SYNPR: variants seen among roughly 807,000 people sequenced by gnomAD.
The protein encoded by SYNPR is synaptoporin.
In SYNPR, 23 loss-of-function variants were observed where a neutral mutation model predicts 32.9. The observed-to-expected ratio is 0.70, with a 90% confidence interval of 0.50 to 0.99. The LOEUF (loss-of-function observed/expected upper bound fraction) is 0.99, where lower values mean the gene tolerates loss of function less well. SYNPR is among the 50% of genes least tolerant of loss of function. The probability of loss-of-function intolerance (pLI) is 0.00; values close to 1 mark genes in which losing one functional copy is unlikely to be tolerated. For synonymous variants in SYNPR, 146 were observed against 135.9 expected (o/e 1.07, Z -0.52); for missense variants, 318 against 349.3 (o/e 0.91, Z 0.71).
chr3:63,345,633 G>T (rs1344962721), intron 2 of SYNPR, among the ~76,000 whole-genome samples: 1 of 152,090 alleles, frequency 6.6e-6, no homozygotes, highest in Admixed American at 6.6e-5. Flanking sequence ...TGCTGGTCTC[G>T]CATTGGCTGA....
intron 4 of SYNPR, among the ~76,000 whole-genome samples, chr3:63,592,065 G>A (rs899213178): frequency 6.6e-6 from 1 of 152,048 alleles, no homozygotes; most frequent in African/African-American, 2.4e-5. Context: ...TAAATCCAAT[G>A]ACAGGTGTCC....
At chr3:63,206,126 C>A in the SYNPR span, among the ~76,000 whole-genome samples, 2 of 152,166 alleles carry the variant, frequency 1.3e-5, no homozygotes, top group African/African-American at 4.8e-5. Context: ...GACCCACTTA[C>A]AACTGAAGTT....
Position 63,615,541 on chromosome 3 carries a change from G to T in SYNPR, c.*60G>T, listed in dbSNP as rs1045237227. On this transcript the variant is annotated 3_prime_UTR_variant, in exon 6 of 6. Coordinates refer to ENST00000478300, the MANE Select transcript of SYNPR (RefSeq NM_001130003.2). Reference sequence around the variant, plus strand: ...ACCATCTTCCATTTCAGTGGCAGAAGAATTTTTTAAGGGTTTCAATCAATT... The same window carrying T: ...ACCATCTTCCATTTCAGTGGCAGAATAATTTTTTAAGGGTTTCAATCAATT... 7 of 1,562,944 alleles carry T rather than the reference G, an allele frequency of 4.5e-6. No individual in the cohort carries two copies. Among genetic ancestry groups the T allele is most frequent in the African/African-American group, 2.7e-5 (2 of 72,958 alleles).
rs149811163 is a variant in SYNPR at position 63,552,177 on chromosome 3, C to A, written c.210-4366C>A. ...CCTCCCAAAGTGCTGTGATTACAGG[C>A]ATGAGCCACCGCACCCGGCCGCATC... On this transcript the variant is annotated intron_variant, in intron 3 of 5. Transcript: ENST00000478300. 5.4e-4 allele frequency among the ~76,000 whole-genome samples: 82 copies of A among 152,180 alleles called. 2 individuals are homozygous for A. Among genetic ancestry groups the A allele is most frequent in the African/African-American group, 1.8e-3 (74 of 41,504 alleles).
intron 2 of SYNPR, among the ~76,000 whole-genome samples, chr3:63,287,182 T>C (rs1204584585): frequency 6.6e-6 from 1 of 152,190 alleles, no homozygotes; most frequent in Non-Finnish European, 1.5e-5. Context: ...TGGTCCATCC[T>C]CACCCTTTTA....
intron 2 of SYNPR, among the ~76,000 whole-genome samples, chr3:63,441,252 G>T (rs956093305): frequency 6.6e-6 from 1 of 152,180 alleles, no homozygotes; most frequent in Admixed American, 6.5e-5. Flanking sequence ...ATAGTATCTG[G>T]CAAGGAGTAA....
intron 2 of SYNPR, among the ~76,000 whole-genome samples, chr3:63,321,756 T>G (rs532297896): frequency 6.8e-6 from 1 of 147,004 alleles, no homozygotes; most frequent in African/African-American, 2.7e-5. Context: ...GTTCTCTGTG[T>G]GTTTACAAAC....
chr3:63,548,044 G>A (rs1474940850), intron 3 of SYNPR, among the ~76,000 whole-genome samples: 5 of 152,108 alleles, frequency 3.3e-5, no homozygotes, highest in Admixed American at 3.3e-4. Flanking sequence ...AAGAAAACCA[G>A]TGGAAGTAAC....
intron 2 of SYNPR, among the ~76,000 whole-genome samples, chr3:63,416,713 G>A (rs1033466289): frequency 2.6e-5 from 4 of 152,188 alleles, no homozygotes; most frequent in Admixed American, 6.5e-5. Flanking sequence ...TATGGTGGAA[G>A]ACAAGGAAGA....
intron 2 of SYNPR, among the ~76,000 whole-genome samples, chr3:63,456,829 C>T (rs1275248560): frequency 1.3e-5 from 2 of 152,050 alleles, no homozygotes; most frequent in African/African-American, 4.8e-5. Context: ...TTTGTTTTCT[C>T]CCCACTCCGA....
intron 2 of SYNPR, among the ~76,000 whole-genome samples, chr3:63,284,953 C>T (rs2086666693): frequency 6.6e-6 from 1 of 152,220 alleles, no homozygotes; most frequent in African/African-American, 2.4e-5. Flanking sequence ...ACCAACTCAT[C>T]AGGGACAAAA....
At chr3:63,508,770 T>C (rs964555272) in intron 3 of SYNPR, among the ~76,000 whole-genome samples, 8 of 152,186 alleles carry the variant, frequency 5.3e-5, no homozygotes, top group Middle Eastern at 3.4e-3. Context: ...AATTAAAGGA[T>C]GGCAGCTACC....
At chr3:63,408,756 A>G (rs1005137534) in intron 2 of SYNPR, among the ~76,000 whole-genome samples, 1 of 152,170 alleles carries the variant, frequency 6.6e-6, no homozygotes, top group Admixed American at 6.6e-5. Context: ...GGGCAAGGAA[A>G]GATCTTCCTT....
intron 1 of SYNPR, among the ~76,000 whole-genome samples, chr3:63,243,954 T>C (rs1465691050): frequency 6.6e-6 from 1 of 152,080 alleles, no homozygotes; most frequent in Non-Finnish European, 1.5e-5. Context: ...ACACAAACTA[T>C]AGATTCTTAT....
At chr3:63,516,753 TG>T (rs956003866) in intron 3 of SYNPR, among the ~76,000 whole-genome samples, 3 of 152,156 alleles carry the variant, frequency 2.0e-5, no homozygotes, top group Non-Finnish European at 4.4e-5. Flanking sequence ...GAGGAGAATC[TG>T]CATCTATTCA....
intron 2 of SYNPR, among the ~76,000 whole-genome samples, chr3:63,284,838 G>T (rs1183890648): frequency 2.0e-5 from 3 of 152,178 alleles, no homozygotes; most frequent in African/African-American, 4.8e-5. Flanking sequence ...CCTTTGTCAT[G>T]CAGGCATCAT....
chr3:63,329,244 A>C (rs1310940627), intron 2 of SYNPR, among the ~76,000 whole-genome samples: 2 of 152,218 alleles, frequency 1.3e-5, no homozygotes, highest in African/African-American at 2.4e-5. Context: ...TCAGTCACAA[A>C]GCTGGTCACT....
intron 2 of SYNPR, among the ~76,000 whole-genome samples, chr3:63,396,493 G>A (rs543096449): frequency 1.3e-4 from 20 of 152,272 alleles, no homozygotes; most frequent in African/African-American, 4.8e-4. Context: ...TATTAGTTCA[G>A]GTATCACCTC....
Position 63,582,250 on chromosome 3 carries a change from C to A in SYNPR, c.408+25509C>A, listed in dbSNP as rs893454288. 2.6e-5 allele frequency among the ~76,000 whole-genome samples: 4 copies of A among 152,088 alleles called. No homozygotes were observed. In the East Asian group the frequency reaches 7.7e-4, roughly 29 times the overall value. On this transcript the variant is annotated intron_variant, in intron 4 of 5. Coordinates refer to ENST00000478300, the MANE Select transcript of SYNPR (RefSeq NM_001130003.2). The stretch of plus-strand genomic sequence containing the variant: ...TGGTAGAAGATTATTACTTCTTTAG[C>A]TAAGTTCTGCAAATTTGTGGGGAAT...
Sources: gnomAD v4.1 joint callset for allele counts (sites outside exome capture counted in the v4.1 genomes callset) on GRCh38, gnomAD v4.1.1 for gene constraint, MANE v1.5 for transcripts, NCBI Gene and HGNC (gene_info 2026-07-23, HGNC 2026-07-21) for gene names.